Variants in TESK2 observed in about 807,000 individuals in gnomAD.
TESK2 encodes dual specificity testis-specific protein kinase 2.
In TESK2, 39 loss-of-function variants were observed where a neutral mutation model predicts 57.1. That is an observed-to-expected ratio of 0.68 (90% confidence interval 0.53 to 0.89). TESK2 has a LOEUF of 0.89. Among genes scored for constraint, TESK2 ranks in the 40% least tolerant of loss-of-function variants. The pLI, the probability that TESK2 is intolerant of heterozygous loss-of-function variation, is 0.00. For missense variants in TESK2, 646 were observed against 732.1 expected (o/e 0.88, Z 1.36); for synonymous variants, 249 against 267.9 (o/e 0.93, Z 0.69).
chr1:45,358,582 T>C (rs1487964140), intron 4 of TESK2, among the ~76,000 whole-genome samples: 1 of 152,174 alleles, frequency 6.6e-6, no homozygotes, highest in Non-Finnish European at 1.5e-5. Context: ...TTGCATATAT[T>C]ATCTCATTTA....
chr1:45,422,030 T>C (rs1220476857), intron 2 of TESK2, among the ~76,000 whole-genome samples, 184 bp from the exon 3 acceptor site: 1 of 152,228 alleles, frequency 6.6e-6, no homozygotes, highest in Non-Finnish European at 1.5e-5. Context: ...AACAGTATTA[T>C]TTCACATTGA....
intron 4 of TESK2, among the ~76,000 whole-genome samples, chr1:45,379,161 C>T (rs2149272421): frequency 6.6e-6 from 1 of 152,256 alleles, no homozygotes; most frequent in Middle Eastern, 3.4e-3. Context: ...TCAGGGTCTG[C>T]CTTGCTCACT....
chr1:45,417,246 T>C (rs2149285437), intron 3 of TESK2, among the ~76,000 whole-genome samples: 1 of 152,160 alleles, frequency 6.6e-6, no homozygotes, highest in Non-Finnish European at 1.5e-5. Flanking sequence ...TTTTTGTTGT[T>C]TTTTGAGACA....
At chr1:45,396,582 A>G (rs1303058181) in intron 3 of TESK2, among the ~76,000 whole-genome samples, 1 of 151,418 alleles carries the variant, frequency 6.6e-6, no homozygotes, top group African/African-American at 2.4e-5. Flanking sequence ...TCTGCCTCCC[A>G]GGTTCAAGCA....
At chr1:45,407,274 C>T (rs2149282311) in intron 3 of TESK2, among the ~76,000 whole-genome samples, 1 of 151,696 alleles carries the variant, frequency 6.6e-6, no homozygotes, top group South Asian at 2.1e-4. Context: ...TAATCTTTTG[C>T]TGAGACAGGG....
At chr1:45,374,825 C>T (rs1464356149) in intron 4 of TESK2, among the ~76,000 whole-genome samples, 2 of 152,172 alleles carry the variant, frequency 1.3e-5, no homozygotes, top group Admixed American at 6.5e-5. Flanking sequence ...CTCCTATAGT[C>T]TTCCCATCTC....
chr1:45,445,978 A>T (rs1199191026), intron 2 of TESK2, among the ~76,000 whole-genome samples: 2 of 152,166 alleles, frequency 1.3e-5, no homozygotes, highest in Admixed American at 1.3e-4. Context: ...ATTTTCTAGT[A>T]AAATATAATT....
At chr1:45,411,445 C>T (rs1322394525) in intron 3 of TESK2, among the ~76,000 whole-genome samples, 1 of 152,176 alleles carries the variant, frequency 6.6e-6, no homozygotes, top group Non-Finnish European at 1.5e-5. Flanking sequence ...CAGTTCACAA[C>T]AGGGTTCACG....
At chr1:45,434,912 T>C (rs1312788310) in intron 2 of TESK2, among the ~76,000 whole-genome samples, 1 of 152,054 alleles carries the variant, frequency 6.6e-6, no homozygotes, top group Non-Finnish European at 1.5e-5. Context: ...CATAAAATCT[T>C]TGCCTAGACC....
intron 3 of TESK2, among the ~76,000 whole-genome samples, chr1:45,396,044 A>T (rs1011328478): frequency 6.6e-6 from 1 of 152,120 alleles, no homozygotes; most frequent in African/African-American, 2.4e-5. Flanking sequence ...GCACCATCAT[A>T]GCTCACTGCA....
intron 1 of TESK2, among the ~76,000 whole-genome samples, chr1:45,476,463 C>T (rs190006944): frequency 2.7e-5 from 4 of 150,924 alleles, no homozygotes; most frequent in South Asian, 2.1e-4. Context: ...GTCAAGATGA[C>T]ACCACCGCAC....
chr1:45,424,583 T>C (rs1037730882), intron 2 of TESK2, among the ~76,000 whole-genome samples: 2 of 152,172 alleles, frequency 1.3e-5, no homozygotes, highest in African/African-American at 4.8e-5. Context: ...TTTTTCCAAC[T>C]CTATTTACAG....
At chr1:45,399,557 C>T (rs1328997345) in intron 3 of TESK2, among the ~76,000 whole-genome samples, 1 of 152,268 alleles carries the variant, frequency 6.6e-6, no homozygotes, top group African/African-American at 2.4e-5. Context: ...TCAGGTAATC[C>T]GCCCGCCTTG....
chr1:45,372,178 A>G (rs1044347121), intron 4 of TESK2, among the ~76,000 whole-genome samples: 8 of 151,336 alleles, frequency 5.3e-5, no homozygotes, highest in African/African-American at 1.9e-4. Flanking sequence ...AGCTTGGGAG[A>G]TCAAGGCTGC....
intron 2 of TESK2, among the ~76,000 whole-genome samples, chr1:45,448,512 C>T (rs914658962): frequency 6.6e-6 from 1 of 152,026 alleles, no homozygotes; most frequent in Non-Finnish European, 1.5e-5. Context: ...TGGAAGCTTA[C>T]AACCATGGAG....
intron 1 of TESK2, among the ~76,000 whole-genome samples, chr1:45,480,913 G>C (rs777950444): frequency 2.7e-5 from 4 of 150,698 alleles, no homozygotes; most frequent in Admixed American, 2.6e-4. Flanking sequence ...ACTTGAACCC[G>C]GGAAATGGAG....
chr1:45,391,538 T>C (rs1436843828), intron 3 of TESK2, among the ~76,000 whole-genome samples: 1 of 152,242 alleles, frequency 6.6e-6, no homozygotes, highest in African/African-American at 2.4e-5. Flanking sequence ...TCTGCATTTC[T>C]ACTACCTAGT....
intron 2 of TESK2, among the ~76,000 whole-genome samples, chr1:45,431,343 G>A (rs936087563): frequency 1.3e-5 from 2 of 152,050 alleles, no homozygotes; most frequent in Admixed American, 6.6e-5. Context: ...GCTTGAACCC[G>A]GGAGACGGAG....
At position 45,345,937 on chromosome 1, in the gene TESK2, G is replaced by T. The variant is rs1169542433; in HGVS notation, c.937C>A (p.Leu313Met). The change falls in exon 10 of 11, where the codon CTG becomes ATG. Residue 313 changes from leucine to methionine, a missense_variant. Coordinates refer to ENST00000372086, the MANE Select transcript of TESK2 (RefSeq NM_007170.3). ...TGCTCTTCTTCCTGTAGGCGGCTCAGAATTTCCTCCAGGGTCTTCCCAATC... is the reference window on the plus strand; with the variant it reads ...TGCTCTTCTTCCTGTAGGCGGCTCATAATTTCCTCCAGGGTCTTCCCAATC... ...VEIGKTLEEILSRLQEEEQER... is the reference protein window; with the variant it reads ...VEIGKTLEEIMSRLQEEEQER... 6.2e-7 allele frequency: 1 copy of T among 1,614,048 alleles called. No individual in the cohort carries two copies. The highest frequency in any genetic ancestry group is 8.5e-7 in the Non-Finnish European group (1 of 1,180,038).
Sources: gnomAD v4.1 joint callset for allele counts (sites outside exome capture counted in the v4.1 genomes callset) on GRCh38, gnomAD v4.1.1 for gene constraint, MANE v1.5 for transcripts, NCBI Gene and HGNC (gene_info 2026-07-23, HGNC 2026-07-21) for gene names.